The following CEP55 variants were observed in gnomAD, a reference collection of about 807,000 sequenced individuals.
The protein encoded by CEP55 is centrosomal protein 55.
In CEP55, 57 loss-of-function variants were observed where a neutral mutation model predicts 63.2. The observed-to-expected ratio is 0.90, with a 90% CI of 0.73 to 1.13. The LOEUF (loss-of-function observed/expected upper bound fraction) is 1.13. Among genes scored for constraint, CEP55 ranks in the 50% most tolerant of loss-of-function variants. The pLI, the probability that CEP55 is intolerant of heterozygous loss-of-function variation, is 0.00. For missense variants in CEP55, 456 were observed against 518.9 expected, an observed-to-expected ratio of 0.88 and a Z score of 1.18; for synonymous variants, 178 against 191.6, an observed-to-expected ratio of 0.93 and a Z score of 0.59.
intron 8 of CEP55, among the ~76,000 whole-genome samples, chr10:93,521,519 G>A (rs989831707): frequency 6.6e-6 from 1 of 152,208 alleles, no homozygotes; most frequent in Non-Finnish European, 1.5e-5. Context: ...AACTCTGGGG[G>A]CAGGGCATAG....
intron 4 of CEP55, among the ~76,000 whole-genome samples, chr10:93,511,696 G>A (rs556069336): frequency 5.9e-5 from 9 of 151,998 alleles, no homozygotes; most frequent in African/African-American, 2.2e-4. Context: ...TCCACCTCCT[G>A]GGCTCAAGTG....
At chr10:93,517,925 T>C (rs1170196181) in intron 6 of CEP55, among the ~76,000 whole-genome samples, 1 of 152,250 alleles carries the variant, frequency 6.6e-6, no homozygotes, top group African/African-American at 2.4e-5. Flanking sequence ...CTCTGACTAC[T>C]CACTGGTTAT....
At chr10:93,501,138 T>A (rs1287459245) in intron 2 of CEP55, among the ~76,000 whole-genome samples, 3 of 152,206 alleles carry the variant, frequency 2.0e-5, no homozygotes, top group Non-Finnish European at 2.9e-5. Flanking sequence ...TAAAACATAT[T>A]TTATCATGCA....
chr10:93,497,010 A>C (rs946162006), intron 1 of CEP55, 87 bp downstream of exon 1: 1 of 152,258 alleles, frequency 6.6e-6, no homozygotes, highest in Non-Finnish European at 1.5e-5. Context: ...TCCGATTGGC[A>C]GGCACTTTCG....
At chr10:93,526,693 A>G (rs2057926371) in intron 8 of CEP55, among the ~76,000 whole-genome samples, 1 of 152,076 alleles carries the variant, frequency 6.6e-6, no homozygotes. Flanking sequence ...CCAAATGTCC[A>G]ACAACGATAG....
chr10:93,524,297 A>T (rs972577929), intron 8 of CEP55, among the ~76,000 whole-genome samples: 62 of 152,326 alleles, frequency 4.1e-4, no homozygotes, highest in African/African-American at 1.5e-3. Flanking sequence ...ACCATCAGAG[A>T]ATACTATAAA....
intron 8 of CEP55, among the ~76,000 whole-genome samples, chr10:93,521,179 G>T (rs576569755): frequency 6.6e-6 from 1 of 151,292 alleles, no homozygotes; most frequent in African/African-American, 2.5e-5. Context: ...AAGGGGTCAG[G>T]GAATTCCCTT....
chr10:93,516,809 A>ATCTCTT (rs780639357), intron 5 of CEP55, 126 bp from the exon 6 acceptor site: 1 of 662,662 alleles, frequency 1.5e-6, no homozygotes, highest in Non-Finnish European at 2.5e-6. Flanking sequence ...CATAGTCCCT[A>ATCTCTT]TCTCTTGACT....
At chr10:93,503,066 A>G in intron 2 of CEP55, 47 bp from the exon 3 acceptor site, 1 of 1,527,126 alleles carries the variant, frequency 6.5e-7, no homozygotes. Flanking sequence ...GTTTAGCTAG[A>G]TGTTTGACCT....
intron 3 of CEP55, 140 bp downstream of exon 3, chr10:93,503,528 AC>A: frequency 1.3e-6 from 1 of 791,810 alleles, no homozygotes. Flanking sequence ...AGGTCACTTC[AC>A]TTTTTTTAAT....
intron 1 of CEP55, among the ~76,000 whole-genome samples, chr10:93,497,963 T>TA (rs1033417298): frequency 8.1e-4 from 122 of 150,714 alleles, no homozygotes; most frequent in Admixed American, 1.9e-3. Flanking sequence ...TACTAATAGA[T>TA]AAAAAAAAAT....
intron 4 of CEP55, among the ~76,000 whole-genome samples, chr10:93,511,337 C>A (rs186190857): frequency 2.6e-5 from 4 of 152,210 alleles, no homozygotes; most frequent in Admixed American, 1.3e-4. Context: ...ATAGATGACA[C>A]AAAGCTGGAA....
At position 93,516,979 on chromosome 10, in the gene CEP55, G is replaced by T. The variant is rs763025402; in HGVS notation, c.724G>T (p.Ala242Ser). The change falls in exon 6 of 9, where the codon GCA (alanine) becomes TCA (serine). Residue 242 changes from alanine to serine, a missense_variant. Transcript: ENST00000371485. ...GCAGAAATGTTACAACGATCTCTTG[G>T]CAAGTGCAAAAAAAGATCTTGAGGT... ...EKQKCYNDLL[A>S]SAKKDLEVER... 2.1e-5 allele frequency: 34 copies of T among 1,601,568 alleles called. No homozygotes were observed. The highest frequency in any genetic ancestry group is 2.6e-5 in the Non-Finnish European group (31 of 1,171,354).
At chr10:93,523,005 C>T (rs568197083) in intron 8 of CEP55, among the ~76,000 whole-genome samples, 122 of 152,216 alleles carry the variant, frequency 8.0e-4, no homozygotes, top group South Asian at 2.1e-3. Context: ...TAAAGACCAT[C>T]GAGGCTAGGA....
intron 8 of CEP55, among the ~76,000 whole-genome samples, chr10:93,526,139 A>G (rs2057919282): frequency 6.6e-6 from 1 of 152,204 alleles, no homozygotes; most frequent in Non-Finnish European, 1.5e-5. Flanking sequence ...CTACCATCAG[A>G]GTGAACAGGC....
At chr10:93,527,252 G>A (rs1203027800) in intron 8 of CEP55, among the ~76,000 whole-genome samples, 1 of 152,100 alleles carries the variant, frequency 6.6e-6, no homozygotes, top group Non-Finnish European at 1.5e-5. Context: ...CTGTGTATAA[G>A]CTGTTTGAGC....
At chr10:93,510,386 GATAACATATA>G (rs1390725742) in intron 4 of CEP55, among the ~76,000 whole-genome samples, 2 of 152,142 alleles carry the variant, frequency 1.3e-5, no homozygotes, top group Non-Finnish European at 2.9e-5. Flanking sequence ...GAATGAGTAT[GATAACATATA>G]ATAACATATA....
chr10:93,517,285 C>T (rs368972505), intron 6 of CEP55, 37 bp downstream of exon 6: 377 of 1,479,504 alleles, frequency 2.5e-4, no homozygotes, highest in Non-Finnish European at 3.2e-4. Flanking sequence ...GAGTGTTCAC[C>T]GAACACTTTC....
chr10:93,516,905 T>A, intron 5 of CEP55, 30 bp from the exon 6 acceptor site: 1 of 1,394,684 alleles, frequency 7.2e-7, no homozygotes, highest in African/African-American at 1.5e-5. Flanking sequence ...TTTTATAAAG[T>A]GAGTTGTGCC....
Sources: allele counts gnomAD v4.1 joint callset (sites outside exome capture counted in the v4.1 genomes callset), GRCh38; gene constraint gnomAD v4.1.1; transcripts MANE v1.5; gene names NCBI Gene and HGNC (gene_info 2026-07-23, HGNC 2026-07-21).